The following EPHX2 variants were observed in gnomAD, a reference collection of about 807,000 sequenced individuals.
EPHX2 encodes the protein epoxide hydrolase 2, also known as bifunctional epoxide hydrolase 2.
In EPHX2, 74 loss-of-function variants were observed where a neutral mutation model predicts 78.7. The ratio of observed to expected loss-of-function variants is 0.94; its 90% CI spans 0.78 to 1.14. The LOEUF is 1.14. EPHX2 is among the 50% of genes most tolerant of loss of function. The pLI, the probability that EPHX2 is intolerant of heterozygous loss-of-function variation, is 0.00. For synonymous variants in EPHX2, 251 were observed against 255.2 expected, an observed-to-expected ratio of 0.98 and a Z score of 0.16; for missense variants, 715 against 702.5, an observed-to-expected ratio of 1.02 and a Z score of -0.20.
chr8:27,518,549 A>C (rs759130012), intron 9 of EPHX2, among the ~76,000 whole-genome samples: 5 of 152,230 alleles, frequency 3.3e-5, no homozygotes, highest in Non-Finnish European at 7.3e-5. Context: ...GGGGAGGCCA[A>C]GGCCAAGGGG....
chr8:27,532,568 G>A (rs1364740626), intron 12 of EPHX2, among the ~76,000 whole-genome samples: 1 of 152,140 alleles, frequency 6.6e-6, no homozygotes, highest in African/African-American at 2.4e-5. Context: ...CCTTCTGGGG[G>A]CTCCCGAGAG....
intron 1 of EPHX2, among the ~76,000 whole-genome samples, chr8:27,500,336 G>T (rs1229996964): frequency 6.6e-6 from 1 of 152,042 alleles, no homozygotes; most frequent in African/African-American, 2.4e-5. Context: ...GTTCCCTGAG[G>T]CCTCCCCAGC....
At chr8:27,547,979 A>G (rs1310452018), downstream of EPHX2, among the ~76,000 whole-genome samples, 2 of 152,192 alleles carry the variant, frequency 1.3e-5, no homozygotes, top group East Asian at 3.8e-4. Context: ...CCTCTGCTAA[A>G]AGAAATCGGC....
chr8:27,512,100 G>GAAA (rs869166083), intron 6 of EPHX2, 190 bp downstream of exon 6: 58 of 138,950 alleles, frequency 4.2e-4, no homozygotes, highest in South Asian at 1.4e-3. Context: ...CCTGTCTCAA[G>GAAA]AAAAAAAAAA....
intron 9 of EPHX2, among the ~76,000 whole-genome samples, chr8:27,518,372 G>A (rs1233057737): frequency 1.3e-5 from 2 of 152,208 alleles, no homozygotes; most frequent in African/African-American, 2.4e-5. Context: ...TACTGCATTC[G>A]ATTGCCTCAC....
chr8:27,543,751 C>A lies in EPHX2; in HGVS notation c.1452C>A (p.Ile484=). Reference sequence around the variant, plus strand: ...TCTGTTTCCTGTTCTCCCCCCAGATCCTGATTCCGGCCCTGATGGTCACGG... The same window carrying A: ...TCTGTTTCCTGTTCTCCCCCCAGATACTGATTCCGGCCCTGATGGTCACGG... ...KWACKSLGRK[I]LIPALMVTAE... is the part of the protein sequence containing the mutation. The change falls in exon 17 of 19, where the codon ATC becomes ATA. Residue 484 remains isoleucine, a splice_region_variant and synonymous_variant. Transcript: ENST00000521400. 6.2e-7 allele frequency: 1 copy of A among 1,614,004 alleles called. No homozygotes were observed. The highest frequency in any genetic ancestry group is 8.5e-7 in the Non-Finnish European group (1 of 1,179,978).
At chr8:27,502,310 T>TA (rs767179963) in intron 2 of EPHX2, among the ~76,000 whole-genome samples, 60 of 152,260 alleles carry the variant, frequency 3.9e-4, no homozygotes, top group Non-Finnish European at 6.3e-4. Context: ...ATCACATTCA[T>TA]ATACCCCAAT....
At chr8:27,541,771 G>T (rs1563364846) in intron 16 of EPHX2, among the ~76,000 whole-genome samples, 1 of 152,098 alleles carries the variant, frequency 6.6e-6, no homozygotes. Flanking sequence ...GGATGGAGCT[G>T]GGGTGTGTCC....
At chr8:27,513,927 A>G (rs1396387061) in intron 6 of EPHX2, among the ~76,000 whole-genome samples, 1 of 152,220 alleles carries the variant, frequency 6.6e-6, no homozygotes, top group Admixed American at 6.5e-5. Context: ...AAGACTATGG[A>G]ACAAACTCTG....
chr8:27,533,678 C>T (rs1815118870), intron 12 of EPHX2, among the ~76,000 whole-genome samples: 1 of 152,158 alleles, frequency 6.6e-6, no homozygotes. Flanking sequence ...TTCTTGACTT[C>T]CTGGGCTCAA....
chr8:27,521,503 G>T (rs1441982434), intron 10 of EPHX2, among the ~76,000 whole-genome samples: 1 of 152,164 alleles, frequency 6.6e-6, no homozygotes, highest in Non-Finnish European at 1.5e-5. Context: ...GGAGCTGTGG[G>T]ACTTAAGGCC....
chr8:27,547,342 G>C (rs1815591822), downstream of EPHX2, among the ~76,000 whole-genome samples: 1 of 152,156 alleles, frequency 6.6e-6, no homozygotes, highest in Admixed American at 6.5e-5. Context: ...GAACAATCAG[G>C]GAAGATTTTC....
At chr8:27,540,690 A>G in intron 15 of EPHX2, 34 bp downstream of exon 15, 1 of 1,596,308 alleles carries the variant, frequency 6.3e-7, no homozygotes, top group African/African-American at 1.3e-5. Context: ...CACAGATGAG[A>G]GATGATCGAC....
chr8:27,492,495 T>C (rs1183770755), intron 1 of EPHX2, among the ~76,000 whole-genome samples: 1 of 152,204 alleles, frequency 6.6e-6, no homozygotes, highest in Admixed American at 6.5e-5. Context: ...GTGGTCTTGC[T>C]GACTTCAAGA....
At position 27,535,453 on chromosome 8, in the gene EPHX2, C is replaced by T. The variant is rs189495611; in HGVS notation, c.1171-1331C>T. ...GCCTCCCAAAGCTCTGGGATTACAGCGTGAACCACTGCACCCGGCCAAGAT... is the reference window on the plus strand; with the variant it reads ...GCCTCCCAAAGCTCTGGGATTACAGTGTGAACCACTGCACCCGGCCAAGAT... On this transcript the variant is annotated intron_variant, in intron 12 of 18. Coordinates refer to ENST00000521400, the MANE Select transcript of EPHX2 (RefSeq NM_001979.6). Among the ~76,000 whole-genome samples the T allele has an allele frequency of 2.8e-3, 430 of 152,214 alleles. 1 individual carries two copies. Among genetic ancestry groups the T allele is most frequent in the African/African-American group, 9.8e-3 (409 of 41,556 alleles).
chr8:27,521,259 C>T (rs67994788), intron 10 of EPHX2, among the ~76,000 whole-genome samples: 86 of 152,310 alleles, frequency 5.6e-4, no homozygotes, highest in Non-Finnish European at 9.4e-4. Flanking sequence ...TCTGACACTC[C>T]TAAAACCTCC....
chr8:27,530,063 C>T (rs1332817492), intron 12 of EPHX2, among the ~76,000 whole-genome samples: 1 of 129,776 alleles, frequency 7.7e-6, no homozygotes, highest in Admixed American at 7.1e-5. Context: ...TTGAGTCTCT[C>T]TCTCTTTTTT....
chr8:27,503,774 G>T lies in EPHX2; in HGVS notation c.346+11G>T, dbSNP rs201924747. On this transcript the variant is annotated intron_variant, in intron 3 of 18. Coordinates refer to ENST00000521400, the MANE Select transcript of EPHX2 (RefSeq NM_001979.6). ...TGCTCAGGAAGAAAGGTAAGGATCT[G>T]ATACTGGCCAATCTCAGGCCGAACC... 2.1e-5 allele frequency: 33 copies of T among 1,607,210 alleles called. No homozygotes were observed. The highest frequency in any genetic ancestry group is 2.7e-5 in the Non-Finnish European group (32 of 1,178,886).
chr8:27,528,797 T>C (rs531213669), intron 12 of EPHX2, among the ~76,000 whole-genome samples: 2 of 152,190 alleles, frequency 1.3e-5, no homozygotes, highest in Non-Finnish European at 2.9e-5. Context: ...CTTATTTTTT[T>C]ATTATTATTA....
Sources: allele counts gnomAD v4.1 joint callset (sites outside exome capture counted in the v4.1 genomes callset), GRCh38; gene constraint gnomAD v4.1.1; transcripts MANE v1.5; gene names NCBI Gene and HGNC (gene_info 2026-07-23, HGNC 2026-07-21).